Variants in ENG observed in about 807,000 individuals in gnomAD.
ENG encodes CD105 antigen.
Under a neutral mutation model 71.0 loss-of-function variants are expected in ENG, and 17 were observed. The observed-to-expected ratio is 0.24, with a 90% CI of 0.16 to 0.36. The LOEUF (loss-of-function observed/expected upper bound fraction) is 0.36, where lower values mean the gene tolerates loss of function less well. ENG is among the 10% of genes least tolerant of loss of function. The pLI is 1.00. For missense variants in ENG, 749 were observed against 868.3 expected (o/e 0.86, Z 1.73); for synonymous variants, 360 against 366.9 (o/e 0.98, Z 0.21).
At chr9:127,817,273 G>A (rs572558376) in intron 12 of ENG, 70 bp from the exon 13 acceptor site, 38 of 1,533,874 alleles carry the variant, frequency 2.5e-5, no homozygotes, top group Middle Eastern at 3.4e-4. Flanking sequence ...CCCTGGCTCC[G>A]TGACCCCAGC....
chr9:127,839,298 A>G (rs1830973461), intron 2 of ENG, among the ~76,000 whole-genome samples: 1 of 152,098 alleles, frequency 6.6e-6, no homozygotes, highest in South Asian at 2.1e-4. Context: ...ACAGAGTGGC[A>G]CCTGGTGAGG....
chr9:127,818,040 T>C (rs111474162), intron 12 of ENG, 80 bp downstream of exon 12: 1 of 1,607,294 alleles, frequency 6.2e-7, no homozygotes, highest in Non-Finnish European at 8.5e-7. Flanking sequence ...CACATCCCTG[T>C]GGGCTGCCAT....
chr9:127,824,512 CTTTT>C (rs71380096), intron 7 of ENG, 66 bp from the exon 8 acceptor site: 5,255 of 679,304 alleles, frequency 7.7e-3, no homozygotes, highest in Middle Eastern at 0.012. Context: ...CCGCACCAGG[CTTTT>C]TTTTTTTTTT....
At chr9:127,819,802 G>A in intron 9 of ENG, 98 bp downstream of exon 9, 1 of 1,610,282 alleles carries the variant, frequency 6.2e-7, no homozygotes, top group Non-Finnish European at 8.5e-7. Context: ...CCTGCAGCCT[G>A]CTCTCCCAAA....
chr9:127,854,024 T>C (rs1338501058), intron 1 of ENG, among the ~76,000 whole-genome samples: 2 of 152,150 alleles, frequency 1.3e-5, no homozygotes, highest in African/African-American at 2.4e-5. Flanking sequence ...CGGGGAGTAA[T>C]GGAACGCAGC....
At position 127,836,764 on chromosome 9, in the gene ENG, A is replaced by G. The variant is rs1325538535; in HGVS notation, c.219+6330T>C. Among the ~76,000 whole-genome samples, 2 of 152,198 alleles carry G rather than the reference A, an allele frequency of 1.3e-5. No individual in the cohort carries two copies. The highest frequency in any genetic ancestry group is 6.5e-5 in the Admixed American group (1 of 15,276). ...ATTCTGCCTGCAAAGTAGGTTGTCC[A>G]GTGCCCAGCTAAACATGTGGGAGTA... On this transcript the variant is annotated intron_variant, in intron 2 of 14. Transcript: ENST00000373203. The surrounding 1 kb of genome is among the most constrained non-coding windows in gnomAD (Gnocchi z 4.0).
intron 5 of ENG, among the ~76,000 whole-genome samples, 163 bp from the exon 6 acceptor site, chr9:127,825,520 C>T (rs893886529): frequency 3.5e-4 from 53 of 149,920 alleles, no homozygotes; most frequent in African/African-American, 1.2e-3. Context: ...GGAAGGGGCC[C>T]ATAGGGGGCG....
At chr9:127,824,685 G>C (rs1830558637) in intron 7 of ENG, 115 bp downstream of exon 7, 11 of 1,238,958 alleles carry the variant, frequency 8.9e-6, no homozygotes, top group Non-Finnish European at 1.2e-5. Flanking sequence ...AGAAAAATGA[G>C]GCTCAGAGAG....
At position 127,836,845 on chromosome 9, in the gene ENG, T is replaced by C. The variant is rs758641642; in HGVS notation, c.219+6249A>G. Reference sequence around the variant, plus strand: ...CTCTGTCACTCAGGCTGGAGTACAGTGGCACGATCTCGGCTCACTGCAATC... The same window carrying C: ...CTCTGTCACTCAGGCTGGAGTACAGCGGCACGATCTCGGCTCACTGCAATC... On this transcript the variant is annotated intron_variant, in intron 2 of 14. Transcript: ENST00000373203. The surrounding 1 kb of genome is among the most constrained non-coding windows in gnomAD (Gnocchi z 4.0). Among the ~76,000 whole-genome samples, 7 of 152,160 alleles carry C rather than the reference T, an allele frequency of 4.6e-5. No homozygotes were observed. The highest frequency in any genetic ancestry group is 1.0e-4 in the Non-Finnish European group (7 of 68,040).
chr9:127,851,147 T>C (rs545978312), intron 1 of ENG, among the ~76,000 whole-genome samples: 1 of 152,246 alleles, frequency 6.6e-6, no homozygotes, highest in East Asian at 1.9e-4. Flanking sequence ...TTTTCTCTAT[T>C]TTTTTTGAGG....
chr9:127,817,455 G>A (rs1830353704), intron 12 of ENG: 1 of 575,924 alleles, frequency 1.7e-6, no homozygotes. Context: ...GAGCACTGTG[G>A]AAGCACTATG....
rs1055106144 is a variant in ENG, at chr9:127,836,242, C to T, written c.220-6415G>A. 7.2e-5 allele frequency among the ~76,000 whole-genome samples: 11 copies of T among 152,236 alleles called. No homozygotes were observed. The highest frequency in any genetic ancestry group is 1.0e-4 in the Non-Finnish European group (7 of 68,036). On this transcript the variant is annotated intron_variant, in intron 2 of 14. Transcript: ENST00000373203. The surrounding 1 kb of genome is among the most constrained non-coding windows in gnomAD (Gnocchi z 4.0). ...CTTCCTCATGGGACCCTGGGAATTC[C>T]GCAGTCTGGCCAGCCCCTCACCCCC...
At chr9:127,824,555 G>C in intron 7 of ENG, 109 bp from the exon 8 acceptor site, 1 of 1,259,240 alleles carries the variant, frequency 7.9e-7, no homozygotes, top group Non-Finnish European at 1.0e-6. Context: ...GTTTTGCTCT[G>C]TTACCCGGGC....
chr9:127,825,663 G>A, intron 5 of ENG, 32 bp downstream of exon 5: 3 of 1,460,240 alleles, frequency 2.1e-6, no homozygotes, highest in South Asian at 2.6e-5. Flanking sequence ...TCGGGGTGGG[G>A]ACTAGTGTCA....
chr9:127,816,470 A>G (rs976474792), intron 13 of ENG: 4 of 327,296 alleles, frequency 1.2e-5, no homozygotes, highest in African/African-American at 8.5e-5. Context: ...AGTGCCCTGC[A>G]GCTCTGCTCT....
intron 13 of ENG, chr9:127,816,298 C>T (rs1367582110): frequency 1.7e-6 from 1 of 584,562 alleles, no homozygotes; most frequent in Non-Finnish European, 3.1e-6. Context: ...CTCTGCCCCT[C>T]AAGGCTGATG....
At chr9:127,822,488 A>T (rs188837336) in intron 8 of ENG, 1 of 152,386 alleles carries the variant, frequency 6.6e-6, no homozygotes, top group Admixed American at 6.5e-5. Flanking sequence ...CTGAGAAAAT[A>T]ATCCTATATA....
chr9:127,848,139 G>T (rs1255765857), intron 1 of ENG, among the ~76,000 whole-genome samples: 1 of 152,152 alleles, frequency 6.6e-6, no homozygotes, highest in Non-Finnish European at 1.5e-5. Flanking sequence ...CCTGCTAAGT[G>T]GGGGTTGCTC....
chr9:127,816,621 G>T, intron 13 of ENG: 1 of 241,538 alleles, frequency 4.1e-6, no homozygotes, highest in Non-Finnish European at 8.2e-6. Flanking sequence ...GGCTGGGAGT[G>T]GAGGCTCCAT....
Sources: allele counts gnomAD v4.1 joint callset (sites outside exome capture counted in the v4.1 genomes callset), GRCh38; gene constraint gnomAD v4.1.1; non-coding constraint Gnocchi (gnomAD v3.1); transcripts MANE v1.5; gene names NCBI Gene and HGNC (gene_info 2026-07-23, HGNC 2026-07-21).